Variants in UACA observed in about 807,000 individuals in gnomAD.
UACA encodes the protein uveal autoantigen with coiled-coil domains and ankyrin repeats, also known as nuclear membrane binding protein.
Under a neutral mutation model 160.5 loss-of-function variants are expected in UACA, and 112 were observed. The ratio of observed to expected loss-of-function variants is 0.70; its 90% CI spans 0.60 to 0.82. The LOEUF (loss-of-function observed/expected upper bound fraction) is 0.82. Ranked by LOEUF, UACA falls within the 40% of genes least tolerant of loss-of-function variation. The pLI is 0.00. For synonymous variants in UACA, 557 were observed against 568.4 expected, an observed-to-expected ratio of 0.98 and a Z score of 0.29; for missense variants, 1,574 against 1,614.6, an observed-to-expected ratio of 0.97 and a Z score of 0.43.
Position 70,678,085 on chromosome 15 carries a change from G to A in UACA, c.999+14C>T, listed in dbSNP as rs530394239. The stretch of plus-strand genomic sequence containing the variant: ...GTAAGACAGTTTATTTTTCTATTAT[G>A]CAGATTTATTTACCTCATTCAGCTG... On this transcript the variant is annotated intron_variant, in intron 11 of 18. Transcript: ENST00000322954. 2.0e-5 allele frequency: 31 copies of A among 1,522,662 alleles called. No individual in the cohort carries two copies. The highest frequency in any genetic ancestry group is 2.6e-5 in the Non-Finnish European group (29 of 1,121,330). 94.3% of individuals were successfully genotyped at this position (1,522,662 alleles called of 1,614,324 possible). A position where few individuals can be genotyped will look rare whatever the true frequency, so the allele number is the denominator to read the frequency against.
In UACA at chr15:70,763,448, G is replaced by A; in HGVS notation, c.-41C>T. 1 of 1,284,292 alleles carries A rather than the reference G, an allele frequency of 7.8e-7. No homozygotes were observed. Among genetic ancestry groups the A allele is most frequent in the Non-Finnish European group, 9.9e-7 (1 of 1,006,624 alleles). 79.6% of individuals were successfully genotyped at this position (1,284,292 alleles called of 1,614,324 possible). On this transcript the variant is annotated 5_prime_UTR_variant, in exon 1 of 19. Transcript: ENST00000322954. Reference sequence around the variant, plus strand: ...GGCCCCCGCGCGAACCTTAAAGGCTGCGGAGTGCCAGCGCGCAAGGAGTAG... The same window carrying A: ...GGCCCCCGCGCGAACCTTAAAGGCTACGGAGTGCCAGCGCGCAAGGAGTAG...
chr15:70,746,212 A>G (rs1723418433), intron 1 of UACA, among the ~76,000 whole-genome samples: 1 of 152,238 alleles, frequency 6.6e-6, no homozygotes, highest in African/African-American at 2.4e-5. Context: ...ACAGAATGGG[A>G]GAAAATTTTT....
At chr15:70,717,922 A>G (rs1301847183) in intron 1 of UACA, among the ~76,000 whole-genome samples, 1 of 152,046 alleles carries the variant, frequency 6.6e-6, no homozygotes, top group East Asian at 1.9e-4. Flanking sequence ...TTCTACCTCA[A>G]GACTGTAACA....
intron 1 of UACA, chr15:70,754,159 T>C (rs1271761055): frequency 4.4e-6 from 2 of 456,050 alleles, no homozygotes; most frequent in Admixed American, 2.3e-5. Flanking sequence ...CAGTCATTTA[T>C]CCTAACTGGT....
the UACA span, among the ~76,000 whole-genome samples, chr15:70,775,789 C>A: frequency 1.3e-5 from 2 of 152,218 alleles, no homozygotes; most frequent in Non-Finnish European, 2.9e-5. Context: ...ACTTACACAG[C>A]TTCCCCATGT....
rs151242414 is a variant in UACA, at chr15:70,659,693, G to A, written c.4179+458C>T. On this transcript the variant is annotated intron_variant, in intron 18 of 18. Transcript: ENST00000322954. ...ACTGTTATTCCTTAATTAATCCTTG[G>A]CTTTACCAAGCCAAGTTAAGGCTTG... Among the ~76,000 whole-genome samples the A allele has an allele frequency of 2.2e-3, 336 of 151,616 alleles. 3 individuals carry two copies. Among genetic ancestry groups the A allele is most frequent in the African/African-American group, 8.0e-3 (332 of 41,326 alleles).
At chr15:70,670,320 A>G (rs558833425) in intron 15 of UACA, among the ~76,000 whole-genome samples, 2 of 152,278 alleles carry the variant, frequency 1.3e-5, no homozygotes, top group South Asian at 2.1e-4. Flanking sequence ...ACAGGCCACT[A>G]TGCATGCAGA....
chr15:70,695,179 C>T, intron 2 of UACA, 74 bp from the exon 3 acceptor site: 1 of 992,298 alleles, frequency 1.0e-6, no homozygotes, highest in Non-Finnish European at 1.5e-6. Flanking sequence ...TTAATGTCAC[C>T]CTTTTTCAAC....
chr15:70,693,529 C>T (rs532352819), intron 3 of UACA, among the ~76,000 whole-genome samples: 9 of 152,094 alleles, frequency 5.9e-5, no homozygotes, highest in African/African-American at 1.9e-4. Context: ...CAATAAAGGA[C>T]AACTCTAGGG....
chr15:70,668,668 C>G lies in UACA; in HGVS notation c.2016G>C (p.Glu672Asp), dbSNP rs1897025526. 1 of 1,613,960 alleles carries G rather than the reference C, an allele frequency of 6.2e-7. No individual in the cohort carries two copies. Among genetic ancestry groups the G allele is most frequent in the African/African-American group, 1.3e-5 (1 of 74,930 alleles). The stretch of plus-strand genomic sequence containing the variant: ...GCTGAGCAAGCTTGGCCTTAACATT[C>G]TCAAGTTCTCTCTTTAACTGTCTAA... Reference protein sequence around the residue: ...SEIRQLKRELENVKAKLAQHV... With the variant: ...SEIRQLKRELDNVKAKLAQHV... Residue 672 changes from glutamate (E) to aspartate (D), a missense_variant, in exon 16 of 19, where the codon GAG (glutamate) becomes GAC (aspartate). Coordinates refer to ENST00000322954, the MANE Select transcript of UACA (RefSeq NM_018003.4).
At position 70,699,591 on chromosome 15, in the gene UACA, CT is replaced by C; in HGVS notation, c.147del (p.Val50Ter). The stretch of plus-strand genomic sequence containing the variant: ...CCCTTTTTAGCAAGGATTGAGGTCA[CT>C]TTTTCTACATCCCCCCTTTCTGCTG... ...MKAAERGDVE[K>X]VTSILAKKGV... On this transcript the variant is annotated frameshift_variant, in exon 2 of 19. Transcript: ENST00000322954. LOFTEE classifies it high-confidence loss of function. 6.2e-7 allele frequency: 1 copy of C among 1,610,598 alleles called. No homozygotes were observed.
intron 3 of UACA, among the ~76,000 whole-genome samples, chr15:70,693,268 G>A (rs1051539240): frequency 6.6e-6 from 1 of 152,034 alleles, no homozygotes; most frequent in African/African-American, 2.4e-5. Context: ...TTGAGATACG[G>A]CAGCAAAAAA....
chr15:70,776,981 A>G, the UACA span, among the ~76,000 whole-genome samples: 1 of 152,172 alleles, frequency 6.6e-6, no homozygotes, highest in Non-Finnish European at 1.5e-5. Context: ...AGTGCCTAGC[A>G]GGGTATCATA....
Position 70,757,101 on chromosome 15 carries a change from A to G in UACA, c.78+6229T>C, listed in dbSNP as rs570047828. Among the ~76,000 whole-genome samples, 4 of 152,314 alleles carry G rather than the reference A, an allele frequency of 2.6e-5. No individual in the cohort carries two copies. In the South Asian group the frequency reaches 6.2e-4, roughly 24 times the overall value. On this transcript the variant is annotated intron_variant, in intron 1 of 18. Transcript: ENST00000322954. ...ATTTTAATCTCTTAAATCTCTTGTA[A>G]TCCATAGGTTTCTCCTCTTTTTCCT...
chr15:70,658,956 G>A (rs147720017), intron 18 of UACA, among the ~76,000 whole-genome samples: 1 of 152,196 alleles, frequency 6.6e-6, no homozygotes, highest in African/African-American at 2.4e-5. Context: ...TTCAAATTCC[G>A]GAAGTGCATA....
chr15:70,701,531 G>A (rs1452670864), intron 1 of UACA, among the ~76,000 whole-genome samples: 1 of 152,144 alleles, frequency 6.6e-6, no homozygotes, highest in Non-Finnish European at 1.5e-5. Flanking sequence ...CCACAAAGTT[G>A]TAAAAATCCA....
At chr15:70,774,366 G>A in the UACA span, among the ~76,000 whole-genome samples, 1 of 152,018 alleles carries the variant, frequency 6.6e-6, no homozygotes, top group Non-Finnish European at 1.5e-5. Context: ...CTAACATGGT[G>A]AAACCCCGTC....
intron 14 of UACA, 61 bp from the exon 15 acceptor site, chr15:70,671,152 ATTAAT>A: frequency 8.6e-7 from 1 of 1,160,714 alleles, no homozygotes; most frequent in South Asian, 1.4e-5. Flanking sequence ...TAGGCTAAAC[ATTAAT>A]TTGATGTTAT....
At chr15:70,760,040 A>G (rs758833135) in intron 1 of UACA, among the ~76,000 whole-genome samples, 1 of 152,226 alleles carries the variant, frequency 6.6e-6, no homozygotes, top group Non-Finnish European at 1.5e-5. Context: ...CACAAAGGAA[A>G]TTATTTATGA....
Sources: allele counts gnomAD v4.1 joint callset (sites outside exome capture counted in the v4.1 genomes callset), GRCh38; gene constraint gnomAD v4.1.1; transcripts MANE v1.5; gene names NCBI Gene and HGNC (gene_info 2026-07-23, HGNC 2026-07-21).